The following ADGRL3 variants were observed in gnomAD, a reference collection of about 807,000 sequenced individuals.
ADGRL3 encodes the protein calcium-independent alpha-latrotoxin receptor 3.
In ADGRL3, 62 loss-of-function variants were observed where a neutral mutation model predicts 153.5. The observed-to-expected ratio is 0.40, with a 90% CI of 0.33 to 0.50. The LOEUF is 0.50. Ranked by LOEUF, ADGRL3 falls within the 20% of genes least tolerant of loss-of-function variation. The pLI, the probability that ADGRL3 is intolerant of heterozygous loss-of-function variation, is 0.47. For synonymous variants in ADGRL3, 710 were observed against 672.5 expected (o/e 1.06, Z -0.86); for missense variants, 1,641 against 1,859.4 (o/e 0.88, Z 2.16).
intron 9 of ADGRL3, among the ~76,000 whole-genome samples, chr4:61,852,419 A>T (rs1019071062): frequency 3.9e-5 from 6 of 152,060 alleles, no homozygotes; most frequent in African/African-American, 1.4e-4. Context: ...GGCTCAAGCC[A>T]TTCTCGTGCC....
intron 5 of ADGRL3, among the ~76,000 whole-genome samples, chr4:61,608,237 A>C (rs1169146771): frequency 6.6e-6 from 1 of 152,212 alleles, no homozygotes; most frequent in Non-Finnish European, 1.5e-5. Flanking sequence ...ATCTTGTTCC[A>C]TCTGATCCAG....
At chr4:61,579,199 C>T (rs1237526763) in intron 4 of ADGRL3, among the ~76,000 whole-genome samples, 1 of 152,006 alleles carries the variant, frequency 6.6e-6, no homozygotes, top group Non-Finnish European at 1.5e-5. Context: ...GTAATAATTC[C>T]CAGCATCCAC....
intron 1 of ADGRL3, among the ~76,000 whole-genome samples, chr4:61,241,243 A>G (rs1363956038): frequency 6.6e-6 from 1 of 152,006 alleles, no homozygotes. Context: ...TAGATGAATA[A>G]AGAGATAGGA....
At chr4:61,684,002 G>A (rs145064677) in intron 6 of ADGRL3, among the ~76,000 whole-genome samples, 40 of 152,268 alleles carry the variant, frequency 2.6e-4, no homozygotes, top group Middle Eastern at 3.4e-3. Flanking sequence ...GAGAGGACAA[G>A]CTAGGTAATA....
At chr4:61,215,074 T>C (rs1278538155) in intron 1 of ADGRL3, among the ~76,000 whole-genome samples, 1 of 152,234 alleles carries the variant, frequency 6.6e-6, no homozygotes, top group Admixed American at 6.5e-5. Context: ...CTGAATTTGA[T>C]TTCATTGTAG....
intron 21 of ADGRL3, among the ~76,000 whole-genome samples, chr4:62,007,661 C>T (rs1309195337): frequency 1.3e-5 from 2 of 151,450 alleles, no homozygotes; most frequent in Non-Finnish European, 2.9e-5. Context: ...GATACCACAA[C>T]ATGTGGGGCC....
chr4:61,704,036 T>C (rs6855108), intron 6 of ADGRL3, among the ~76,000 whole-genome samples: 63,412 of 151,900 alleles, frequency 0.42, 13,597 homozygotes, highest in East Asian at 0.56. Flanking sequence ...ACCTAATGTG[T>C]AACCATCTTT....
intron 1 of ADGRL3, among the ~76,000 whole-genome samples, chr4:61,355,610 G>A (rs574360148): frequency 5.5e-5 from 8 of 144,692 alleles, no homozygotes; most frequent in Admixed American, 5.4e-4. Context: ...ACAGACATGT[G>A]ACTGAGCCCT....
chr4:61,746,373 G>C (rs2096661584), intron 8 of ADGRL3, among the ~76,000 whole-genome samples: 2 of 152,076 alleles, frequency 1.3e-5, no homozygotes, highest in Admixed American at 1.3e-4. Context: ...CCCATCTACA[G>C]AACTCTCCAC....
intron 8 of ADGRL3, among the ~76,000 whole-genome samples, chr4:61,754,565 C>T (rs1188163549): frequency 1.3e-5 from 2 of 151,722 alleles, no homozygotes; most frequent in Non-Finnish European, 2.9e-5. Context: ...TTGTAACCAC[C>T]CAATGGGTTC....
At chr4:61,816,443 A>T (rs1434321657) in intron 9 of ADGRL3, among the ~76,000 whole-genome samples, 1 of 152,154 alleles carries the variant, frequency 6.6e-6, no homozygotes, top group Non-Finnish European at 1.5e-5. Context: ...ATGTTTGCTG[A>T]TGTCCCATTA....
chr4:61,539,415 C>T (rs1228589295), intron 4 of ADGRL3, among the ~76,000 whole-genome samples: 3 of 152,120 alleles, frequency 2.0e-5, no homozygotes, highest in East Asian at 3.9e-4. Flanking sequence ...GGCTGCACTC[C>T]CTCATCCCCT....
At chr4:61,692,033 ATAGAT>A (rs1276662853) in intron 6 of ADGRL3, among the ~76,000 whole-genome samples, 1 of 152,156 alleles carries the variant, frequency 6.6e-6, no homozygotes, top group African/African-American at 2.4e-5. Flanking sequence ...TTTAATAAAA[ATAGAT>A]TATGACTCTC....
At chr4:61,921,642 G>A (rs765305211) in intron 13 of ADGRL3, among the ~76,000 whole-genome samples, 7 of 152,120 alleles carry the variant, frequency 4.6e-5, no homozygotes, top group Non-Finnish European at 1.0e-4. Context: ...TCCTGACCTC[G>A]TGATTCATCT....
At chr4:61,758,522 C>T in intron 8 of ADGRL3, among the ~76,000 whole-genome samples, 1 of 151,818 alleles carries the variant, frequency 6.6e-6, no homozygotes, top group Non-Finnish European at 1.5e-5. Context: ...TTCTGTTTTC[C>T]ATTTGCTTGG....
At chr4:61,711,708 A>G (rs2095995876) in intron 6 of ADGRL3, among the ~76,000 whole-genome samples, 1 of 151,760 alleles carries the variant, frequency 6.6e-6, no homozygotes, top group Non-Finnish European at 1.5e-5. Context: ...GTGCACTACA[A>G]AAACAACTGG....
chr4:61,867,942 T>TG (rs1025255327), intron 9 of ADGRL3, among the ~76,000 whole-genome samples: 1 of 152,140 alleles, frequency 6.6e-6, no homozygotes, highest in Non-Finnish European at 1.5e-5. Context: ...GGGCTTATAA[T>TG]GGGGTTTTCT....
chr4:61,833,087 A>G (rs1427355937), intron 9 of ADGRL3, among the ~76,000 whole-genome samples: 1 of 152,082 alleles, frequency 6.6e-6, no homozygotes, highest in Non-Finnish European at 1.5e-5. Flanking sequence ...AAAAGTGTTT[A>G]TTTGTATTTT....
At chr4:61,919,230 A>T (rs1183471160) in intron 13 of ADGRL3, among the ~76,000 whole-genome samples, 3 of 152,184 alleles carry the variant, frequency 2.0e-5, no homozygotes, top group African/African-American at 7.2e-5. Flanking sequence ...CTTTCAAGAG[A>T]TTTCGATGTT....
Sources: gnomAD v4.1 joint callset for allele counts (sites outside exome capture counted in the v4.1 genomes callset) on GRCh38, gnomAD v4.1.1 for gene constraint, MANE v1.5 for transcripts, NCBI Gene and HGNC (gene_info 2026-07-23, HGNC 2026-07-21) for gene names.